Variants in SNX8 observed in about 807,000 individuals in gnomAD.
SNX8 encodes the protein sorting nexin 8.
In SNX8, 25 loss-of-function variants were observed where a neutral mutation model predicts 51.6. The ratio of observed to expected loss-of-function variants is 0.48; its 90% CI spans 0.35 to 0.68. The LOEUF (loss-of-function observed/expected upper bound fraction) is 0.68. Among genes scored for constraint, SNX8 ranks in the 30% least tolerant of loss-of-function variants. The probability of loss-of-function intolerance (pLI) is 0.00; values close to 1 mark genes in which losing one functional copy is unlikely to be tolerated. For missense variants in SNX8, 695 were observed against 624.0 expected (o/e 1.11, Z -1.21); for synonymous variants, 324 against 277.0 (o/e 1.17, Z -1.68).
chr7:2,286,538 A>T (rs1439396290), intron 1 of SNX8, among the ~76,000 whole-genome samples: 2 of 138,628 alleles, frequency 1.4e-5, no homozygotes, highest in East Asian at 4.5e-4. Flanking sequence ...TTTTTTTTTT[A>T]ATGGAGTCTT....
At chr7:2,353,667 A>T (rs1583135754) in intron 1 of SNX8, among the ~76,000 whole-genome samples, 1 of 152,192 alleles carries the variant, frequency 6.6e-6, no homozygotes, top group East Asian at 1.9e-4. Context: ...GTCATCTCCA[A>T]AACGTTCTCA....
chr7:2,338,755 A>AT (rs1162418955), intron 1 of SNX8, among the ~76,000 whole-genome samples: 12 of 152,124 alleles, frequency 7.9e-5, no homozygotes, highest in Non-Finnish European at 1.8e-4. Context: ...ATTCAGCAGG[A>AT]TTTTTTGATT....
rs1433357614 is a variant in SNX8 at position 2,309,852 on chromosome 7, T to C, written c.94+4476A>G. ...GGTAAGGGTTGATGGGAGCCCAGGG[T>C]GCATGGAAGTCGCCCAGGCAAGAGG... On this transcript the variant is annotated intron_variant, in intron 1 of 10. Transcript: ENST00000222990. 1.5e-5 allele frequency: 7 copies of C among 470,434 alleles called. No individual in the cohort carries two copies. In the East Asian group the frequency reaches 4.2e-4, roughly 28 times the overall value. 29.1% of individuals were successfully genotyped at this position (470,434 alleles called of 1,614,324 possible). A position where few individuals can be genotyped will look rare whatever the true frequency, so the allele number is the denominator to read the frequency against.
At chr7:2,328,088 C>T (rs1235373884) in intron 1 of SNX8, among the ~76,000 whole-genome samples, 1 of 152,008 alleles carries the variant, frequency 6.6e-6, no homozygotes, top group Non-Finnish European at 1.5e-5. Flanking sequence ...CTCACTCTGT[C>T]ACCCAGGCTG....
chr7:2,319,961 CAGA>C (rs1796808110), intron 1 of SNX8, among the ~76,000 whole-genome samples: 1 of 152,100 alleles, frequency 6.6e-6, no homozygotes, highest in Admixed American at 6.6e-5. Flanking sequence ...GCCTGGGCAA[CAGA>C]AGGAGACTAC....
At chr7:2,344,911 GA>G (rs1778993393) in intron 1 of SNX8, among the ~76,000 whole-genome samples, 1 of 152,144 alleles carries the variant, frequency 6.6e-6, no homozygotes, top group African/African-American at 2.4e-5. Context: ...GCTTGAATCA[GA>G]CATCTACTTA....
intron 1 of SNX8, among the ~76,000 whole-genome samples, chr7:2,342,093 C>A (rs994803294): frequency 6.6e-6 from 1 of 151,090 alleles, no homozygotes; most frequent in East Asian, 2.0e-4. Context: ...CAAGGAGAAT[C>A]GCTTGCATCT....
chr7:2,337,446 C>CACAAAACAAA (rs3075409), intron 1 of SNX8, among the ~76,000 whole-genome samples: 3 of 150,746 alleles, frequency 2.0e-5, no homozygotes, highest in African/African-American at 7.3e-5. Flanking sequence ...AAGACCCTGT[C>CACAAAACAAA]ACAAAACAAA....
chr7:2,318,397 G>A (rs1003541095), upstream of SNX8, among the ~76,000 whole-genome samples: 57 of 151,736 alleles, frequency 3.8e-4, no homozygotes, highest in South Asian at 6.3e-4. Context: ...TCTACCGGGC[G>A]CCTGTAATCC....
intron 1 of SNX8, among the ~76,000 whole-genome samples, chr7:2,292,657 C>T (rs1475002870): frequency 3.9e-5 from 6 of 152,044 alleles, no homozygotes; most frequent in East Asian, 1.9e-4. Flanking sequence ...ATGATCCACC[C>T]GCCTCGGCCT....
chr7:2,280,978 A>T (rs572520616), intron 1 of SNX8, among the ~76,000 whole-genome samples: 2 of 152,132 alleles, frequency 1.3e-5, no homozygotes, highest in East Asian at 3.9e-4. Context: ...TTTTTAGTAG[A>T]AACAGGGTTT....
At chr7:2,333,636 T>C (rs1296359917) in intron 1 of SNX8, among the ~76,000 whole-genome samples, 1 of 152,104 alleles carries the variant, frequency 6.6e-6, no homozygotes, top group Non-Finnish European at 1.5e-5. Flanking sequence ...AATAGATCAA[T>C]GGAACAGAAC....
At chr7:2,289,405 C>T (rs1292529508) in intron 1 of SNX8, among the ~76,000 whole-genome samples, 1 of 152,160 alleles carries the variant, frequency 6.6e-6, no homozygotes, top group African/African-American at 2.4e-5. Context: ...GTGACTGAGC[C>T]AATTCACACT....
At chr7:2,316,160 C>G (rs1257354795), upstream of SNX8, among the ~76,000 whole-genome samples, 7 of 150,528 alleles carry the variant, frequency 4.7e-5, no homozygotes, top group Non-Finnish European at 1.0e-4. Flanking sequence ...CTCACTGCAC[C>G]CTGCATTCAT....
At chr7:2,351,271 G>C (rs1457728247) in intron 1 of SNX8, among the ~76,000 whole-genome samples, 9 of 152,196 alleles carry the variant, frequency 5.9e-5, no homozygotes, top group Non-Finnish European at 1.2e-4. Context: ...AAATAGACCA[G>C]CGGAGGCCAG....
intron 1 of SNX8, among the ~76,000 whole-genome samples, chr7:2,287,640 A>G (rs937310605): frequency 6.6e-5 from 10 of 152,066 alleles, no homozygotes; most frequent in African/African-American, 2.2e-4. Context: ...AGTCCCAGCT[A>G]CTTGGGAGAC....
At chr7:2,351,642 C>G (rs10230648) in intron 1 of SNX8, among the ~76,000 whole-genome samples, 28,770 of 151,610 alleles carry the variant, frequency 0.19, 3,015 homozygotes, top group African/African-American at 0.27. Flanking sequence ...ACCATCCTGA[C>G]TAACAGGATG....
chr7:2,273,339 C>G (rs966187731), intron 3 of SNX8, among the ~76,000 whole-genome samples: 1 of 151,676 alleles, frequency 6.6e-6, no homozygotes, highest in African/African-American at 2.4e-5. Context: ...AATCCCAGCA[C>G]TTTGGGAGGC....
At chr7:2,337,833 C>G (rs960355844) in intron 1 of SNX8, among the ~76,000 whole-genome samples, 1 of 95,682 alleles carries the variant, frequency 1.0e-5, no homozygotes, top group East Asian at 4.0e-4. Flanking sequence ...CTTCCTCAAG[C>G]AAATAAAAGG....
Sources: gnomAD v4.1 joint callset for allele counts (sites outside exome capture counted in the v4.1 genomes callset) on GRCh38, gnomAD v4.1.1 for gene constraint, MANE v1.5 for transcripts, NCBI Gene and HGNC (gene_info 2026-07-23, HGNC 2026-07-21) for gene names.